CDA: variants seen among roughly 807,000 people sequenced by gnomAD.
CDA encodes the protein cytidine aminohydrolase.
Under a neutral mutation model 15.0 loss-of-function variants are expected in CDA, and 7 were observed. The observed-to-expected ratio is 0.47, with a 90% CI of 0.26 to 0.87. The LOEUF is 0.87. Ranked by LOEUF, CDA falls within the 40% of genes least tolerant of loss-of-function variation. CDA has a pLI of 0.15. For missense variants in CDA, 159 were observed against 182.7 expected, an observed-to-expected ratio of 0.87 and a Z score of 0.75; for synonymous variants, 58 against 73.0, an observed-to-expected ratio of 0.79 and a Z score of 1.05.
intron 1 of CDA, among the ~76,000 whole-genome samples, chr1:20,602,136 G>T (rs1007656293): frequency 8.8e-5 from 12 of 136,048 alleles, no homozygotes; most frequent in Non-Finnish European, 1.3e-4. Context: ...AAGGAGAGGG[G>T]AGAGGAGGAG....
rs2052775855 is a variant in CDA at position 20,613,773 on chromosome 1, C to A, written c.267-69C>A. The A allele has an allele frequency of 4.2e-6, 6 of 1,425,476 alleles. No homozygotes were observed. In the Admixed American group the frequency reaches 8.4e-5, roughly 20 times the overall value. 88.3% of individuals were successfully genotyped at this position (1,425,476 alleles called of 1,614,324 possible). A position where few individuals can be genotyped will look rare whatever the true frequency, so the allele number is the denominator to read the frequency against. ...ATCAGGAACAGACCGAGTCTCAGGG[C>A]CTGAATCTTAGCAATTGTCCTCAGT... is the stretch of plus-strand genomic sequence containing the variant. On this transcript the variant is annotated intron_variant, in intron 2 of 3. Coordinates refer to ENST00000375071, the MANE Select transcript of CDA (RefSeq NM_001785.3).
chr1:20,602,467 A>G (rs554505521), intron 1 of CDA, among the ~76,000 whole-genome samples: 1 of 151,700 alleles, frequency 6.6e-6, no homozygotes, highest in South Asian at 2.1e-4. Flanking sequence ...TCTGTCGCCC[A>G]GGCTGGAGCG....
At chr1:20,601,962 A>C (rs146213498) in intron 1 of CDA, among the ~76,000 whole-genome samples, 2 of 152,152 alleles carry the variant, frequency 1.3e-5, no homozygotes, top group East Asian at 3.9e-4. Context: ...CTACAAAAAA[A>C]TACAAAAAAT....
intron 1 of CDA, among the ~76,000 whole-genome samples, chr1:20,597,470 TCA>T (rs1362320898): frequency 8.5e-5 from 13 of 152,284 alleles, no homozygotes; most frequent in African/African-American, 3.1e-4. Flanking sequence ...CCATCGTATC[TCA>T]CAGGCCAGGA....
intron 1 of CDA, among the ~76,000 whole-genome samples, chr1:20,591,354 C>CA (rs550800122): frequency 0.025 from 3,766 of 150,472 alleles, 157 homozygotes; most frequent in African/African-American, 0.085. Context: ...AACAAACAAA[C>CA]AAAAAAAAAC....
In CDA at chr1:20,597,095, C is replaced by G. The variant is rs146422278; in HGVS notation, c.154+7812C>G. Among the ~76,000 whole-genome samples, 843 of 152,202 alleles carry G rather than the reference C, an allele frequency of 5.5e-3. 2 individuals carry two copies. Among genetic ancestry groups the G allele is most frequent in the Middle Eastern group, 0.017 (5 of 294 alleles). On this transcript the variant is annotated intron_variant, in intron 1 of 3. Coordinates refer to ENST00000375071, the MANE Select transcript of CDA (RefSeq NM_001785.3). ...GTCTTAATAACATCTGACCGCAGCC[C>G]TGCCTTAAGCACCAAACCACCTCAA... is the stretch of plus-strand genomic sequence containing the variant.
intron 1 of CDA, among the ~76,000 whole-genome samples, chr1:20,597,349 G>A (rs1381898218): frequency 1.3e-5 from 2 of 152,200 alleles, no homozygotes; most frequent in Admixed American, 1.3e-4. Context: ...GCTGAGGCAG[G>A]AGAATGGCGT....
Position 20,604,823 on chromosome 1 carries a change from G to A in CDA, c.155-105G>A, listed in dbSNP as rs549501532. The A allele has an allele frequency of 3.2e-5, 25 of 776,478 alleles. No homozygotes were observed. The South Asian group carries it at 3.5e-4, about 11-fold the overall frequency. 48.1% of individuals were successfully genotyped at this position (776,478 alleles called of 1,614,324 possible). ...TGTCCTTCTCCCCACCTTGTTTGGAGTAACCAGTTCCTTCCTGCTTTGGAA... is the reference window on the plus strand; with the variant it reads ...TGTCCTTCTCCCCACCTTGTTTGGAATAACCAGTTCCTTCCTGCTTTGGAA... On this transcript the variant is annotated intron_variant, in intron 1 of 3. Transcript: ENST00000375071.
intron 1 of CDA, among the ~76,000 whole-genome samples, chr1:20,598,256 A>G (rs1268272051): frequency 6.6e-6 from 1 of 152,200 alleles, no homozygotes; most frequent in Non-Finnish European, 1.5e-5. Context: ...CGCTATAAAA[A>G]GGGCTTACAG....
intron 2 of CDA, among the ~76,000 whole-genome samples, chr1:20,607,500 A>G (rs1234249419): frequency 6.6e-6 from 1 of 152,254 alleles, no homozygotes; most frequent in African/African-American, 2.4e-5. Context: ...ACTCAATTTC[A>G]AAGCTGATCC....
At chr1:20,591,335 T>C (rs963251005) in intron 1 of CDA, among the ~76,000 whole-genome samples, 1 of 151,814 alleles carries the variant, frequency 6.6e-6, no homozygotes, top group Non-Finnish European at 1.5e-5. Context: ...AGCGAGACTC[T>C]GTCTCAAAAA....
intron 2 of CDA, among the ~76,000 whole-genome samples, chr1:20,610,298 T>TTTTTTTC: frequency 6.9e-6 from 1 of 145,494 alleles, no homozygotes; most frequent in Non-Finnish European, 1.5e-5. Context: ...TTATTTTTAT[T>TTTTTTTC]TATTTATTTT....
intron 3 of CDA, among the ~76,000 whole-genome samples, chr1:20,618,208 G>C (rs1244559271): frequency 1.7e-4 from 25 of 151,012 alleles, no homozygotes; most frequent in Admixed American, 1.2e-3. Context: ...AAAGCCCTGG[G>C]TGAGTCTTGA....
chr1:20,613,949 G>T (rs1267373733), intron 3 of CDA, 50 bp downstream of exon 3: 3 of 1,561,872 alleles, frequency 1.9e-6, no homozygotes, highest in Admixed American at 3.3e-5. Flanking sequence ...CCCTGTCGCA[G>T]GCTATGGGAG....
At chr1:20,607,340 G>A (rs1362534096) in intron 2 of CDA, among the ~76,000 whole-genome samples, 4 of 152,160 alleles carry the variant, frequency 2.6e-5, no homozygotes, top group Non-Finnish European at 4.4e-5. Flanking sequence ...TCCAGTATCC[G>A]ATAGCCTTCC....
rs1557550524 is a variant in CDA, at chr1:20,610,289, TA to T, written c.267-3552del. Among the ~76,000 whole-genome samples the T allele has an allele frequency of 1.4e-3, 203 of 146,526 alleles. 1 individual carries two copies. The highest frequency in any genetic ancestry group is 2.3e-3 in the Non-Finnish European group (152 of 65,574). On this transcript the variant is annotated intron_variant, in intron 2 of 3. Transcript: ENST00000375071. Reference sequence around the variant, plus strand: ...TTTTTTTTTTATTTTATTTTATTTTTATTTTTATTTATTTATTTTTATTTTT... The same window carrying T: ...TTTTTTTTTTATTTTATTTTATTTTTTTTTTATTTATTTATTTTTATTTTT...
At chr1:20,604,339 A>T (rs1027503114) in intron 1 of CDA, among the ~76,000 whole-genome samples, 1 of 152,180 alleles carries the variant, frequency 6.6e-6, no homozygotes, top group African/African-American at 2.4e-5. Context: ...TTAGTCATAG[A>T]CGGTGACTCC....
intron 1 of CDA, 77 bp downstream of exon 1, chr1:20,589,360 G>A (rs2052527894): frequency 6.4e-6 from 9 of 1,405,986 alleles, no homozygotes; most frequent in Admixed American, 3.6e-5. Context: ...AGGAAGAGGC[G>A]CAGAGGCACA....
chr1:20,603,628 C>A (rs1414991926), intron 1 of CDA, among the ~76,000 whole-genome samples: 1 of 152,132 alleles, frequency 6.6e-6, no homozygotes, highest in Non-Finnish European at 1.5e-5. Context: ...CCTAGCTGAG[C>A]GGCCATGCTG....
Sources: allele counts gnomAD v4.1 joint callset (sites outside exome capture counted in the v4.1 genomes callset), GRCh38; gene constraint gnomAD v4.1.1; transcripts MANE v1.5; gene names NCBI Gene and HGNC (gene_info 2026-07-23, HGNC 2026-07-21).